The following OOSP4B variants were observed in gnomAD, a reference collection of about 807,000 sequenced individuals.
OOSP4B encodes the protein oocyte-secreted protein 4B.
chr11:60,024,307 G>A (rs2845626), intron 2 of OOSP4B, among the ~76,000 whole-genome samples: 59,197 of 151,954 alleles, frequency 0.39, 12,303 homozygotes, highest in East Asian at 0.52. Context: ...TGGGAGGCTG[G>A]GGTGGGTGGA....
At chr11:60,027,252 A>G (rs890108540) in intron 3 of OOSP4B, among the ~76,000 whole-genome samples, 2 of 152,158 alleles carry the variant, frequency 1.3e-5, no homozygotes, top group Non-Finnish European at 2.9e-5. Flanking sequence ...ATGATAGCCA[A>G]AGGTGGTGGA....
chr11:60,029,743 A>G (rs941950183), intron 3 of OOSP4B, 39 bp from the exon 4 acceptor site: 1 of 398,110 alleles, frequency 2.5e-6, no homozygotes, highest in Non-Finnish European at 4.4e-6. Context: ...CTGTACAGCT[A>G]TTAATCCTGT....
intron 1 of OOSP4B, among the ~76,000 whole-genome samples, chr11:60,020,268 C>T (rs992389561): frequency 2.6e-5 from 4 of 152,204 alleles, no homozygotes; most frequent in African/African-American, 9.6e-5. Flanking sequence ...CACTCCTCAG[C>T]CCTTGGATGG....
chr11:60,020,508 C>A (rs550368940), intron 1 of OOSP4B, among the ~76,000 whole-genome samples: 1 of 152,224 alleles, frequency 6.6e-6, no homozygotes, highest in East Asian at 1.9e-4. Flanking sequence ...GCCGGCGGCT[C>A]CGAGTGTGGG....
chr11:60,026,404 G>A (rs1324413271), intron 3 of OOSP4B, among the ~76,000 whole-genome samples: 1 of 152,098 alleles, frequency 6.6e-6, no homozygotes, highest in African/African-American at 2.4e-5. Context: ...TTTCATCCTT[G>A]AATTGCTCTG....
exon 1 of OOSP4B, chr11:60,017,181 C>T (rs1354341499): frequency 2.5e-6 from 1 of 393,332 alleles, no homozygotes; most frequent in South Asian, 1.4e-4. Flanking sequence ...GTCTAACAAG[C>T]TCCCAGGTTG....
intron 2 of OOSP4B, among the ~76,000 whole-genome samples, 178 bp downstream of exon 2, chr11:60,024,239 C>T (rs1389925832): frequency 6.6e-6 from 1 of 152,076 alleles, no homozygotes; most frequent in Non-Finnish European, 1.5e-5. Context: ...AGATAAGGGA[C>T]TTTAAAAAGG....
intron 1 of OOSP4B, among the ~76,000 whole-genome samples, chr11:60,020,447 C>A (rs1206606551): frequency 6.6e-6 from 1 of 152,218 alleles, no homozygotes; most frequent in Non-Finnish European, 1.5e-5. Flanking sequence ...AGCACAGCAG[C>A]TGCTGGTCCA....
At position 60,017,367 on chromosome 11, in the gene OOSP4B, A is replaced by G. The variant is rs1056193324; in HGVS notation, c.-25A>G. 4.5e-5 allele frequency: 18 copies of G among 398,454 alleles called. No individual in the cohort carries two copies. Among genetic ancestry groups the G allele is most frequent in the African/African-American group, 2.1e-5 (1 of 48,596 alleles). 24.7% of individuals were successfully genotyped at this position (398,454 alleles called of 1,614,324 possible). A position where few individuals can be genotyped will look rare whatever the true frequency, so the allele number is the denominator to read the frequency against. Reference sequence around the variant, plus strand: ...AGCTCCTTGCCATTTCTTGTTTTCTATGTTGTGTCTTGGAGTCTGGAGCAA... The same window carrying G: ...AGCTCCTTGCCATTTCTTGTTTTCTGTGTTGTGTCTTGGAGTCTGGAGCAA... On this transcript the variant is annotated 5_prime_UTR_variant, in exon 1 of 5. It removes an upstream start codon present in the reference 5' UTR. Coordinates refer to ENST00000642343, the Ensembl canonical transcript of OOSP4B.
chr11:60,030,402 C>G (rs189726637), intron 4 of OOSP4B, among the ~76,000 whole-genome samples: 120 of 152,278 alleles, frequency 7.9e-4, no homozygotes, highest in African/African-American at 2.7e-3. Context: ...TCTTTTTAAT[C>G]AGGATTTTTC....
At chr11:60,025,532 A>T (rs1854739557) in intron 3 of OOSP4B, among the ~76,000 whole-genome samples, 1 of 152,116 alleles carries the variant, frequency 6.6e-6, no homozygotes, top group Non-Finnish European at 1.5e-5. Context: ...GAATCGCAGC[A>T]TGTATGCTTT....
At chr11:60,020,717 G>A (rs1468500762) in intron 1 of OOSP4B, among the ~76,000 whole-genome samples, 1 of 152,262 alleles carries the variant, frequency 6.6e-6, no homozygotes, top group African/African-American at 2.4e-5. Context: ...TGGGCGCCAA[G>A]GCCGAGGAGG....
intron 3 of OOSP4B, among the ~76,000 whole-genome samples, chr11:60,026,966 G>A (rs1854751212): frequency 6.6e-6 from 1 of 152,012 alleles, no homozygotes; most frequent in Admixed American, 6.6e-5. Context: ...ATCTTAAAGT[G>A]GTTCTAACCT....
rs145057463 is a variant in OOSP4B at position 60,019,234 on chromosome 11, A to T, written c.22+1821A>T. Among the ~76,000 whole-genome samples, 731 of 151,520 alleles carry T rather than the reference A, an allele frequency of 4.8e-3. 8 individuals are homozygous for T. The highest frequency in any genetic ancestry group is 0.015 in the South Asian group (71 of 4,744). On this transcript the variant is annotated intron_variant, in intron 1 of 4. Coordinates refer to ENST00000642343, the Ensembl canonical transcript of OOSP4B. ...CGAGACTCTTTCTCAGAAAAAAAAT[A>T]AAAAAAAATAACCTAGTGCCTGTAA...
chr11:60,019,476 T>A (rs1320168282), intron 1 of OOSP4B: 1 of 159,406 alleles, frequency 6.3e-6, no homozygotes, highest in African/African-American at 2.4e-5. Flanking sequence ...AAAGGTGGCG[T>A]GTCCGGAGTT....
chr11:60,020,484 G>A (rs968463887), intron 1 of OOSP4B, among the ~76,000 whole-genome samples: 4 of 152,220 alleles, frequency 2.6e-5, no homozygotes, highest in Non-Finnish European at 5.9e-5. Context: ...CTGCCCGGGT[G>A]GGGGCGGGGG....
intron 4 of OOSP4B, 147 bp downstream of exon 4, chr11:60,030,076 T>C (rs1181717503): frequency 2.6e-6 from 1 of 391,696 alleles, no homozygotes; most frequent in Non-Finnish European, 4.5e-6. Context: ...TTAGGTACCG[T>C]AGTCTGTACT....
At position 60,027,835 on chromosome 11, in the gene OOSP4B, G is replaced by A. The variant is rs1056158599; in HGVS notation, c.303-1947G>A. ...CATGCCCATAATCTCAGTTACTTGG[G>A]AGGCTGAGGCAGGAGAATCGCTTGA... On this transcript the variant is annotated intron_variant, in intron 3 of 4. Coordinates refer to ENST00000642343, the Ensembl canonical transcript of OOSP4B. 4.6e-5 allele frequency among the ~76,000 whole-genome samples: 7 copies of A among 151,712 alleles called. No homozygotes were observed. The South Asian group carries it at 6.3e-4, about 14-fold the overall frequency.
intron 3 of OOSP4B, among the ~76,000 whole-genome samples, chr11:60,028,169 T>C (rs532502002): frequency 6.6e-6 from 1 of 151,584 alleles, no homozygotes; most frequent in African/African-American, 2.4e-5. Flanking sequence ...GTCACTGTTT[T>C]TTTTTTCTTT....
Sources: gnomAD v4.1 joint callset for allele counts (sites outside exome capture counted in the v4.1 genomes callset) on GRCh38, gnomAD v4.1.1 for gene constraint, MANE v1.5 for transcripts, NCBI Gene and HGNC (gene_info 2026-07-23, HGNC 2026-07-21) for gene names.